B4GALT6: variants seen among roughly 807,000 people sequenced by gnomAD.
B4GALT6 encodes beta-1,4-galactosyltransferase 6, also known as UDP-Gal:beta-GlcNAc beta-1,4-galactosyltransferase 6.
In B4GALT6, 14 loss-of-function variants were observed where a neutral mutation model predicts 46.3. The ratio of observed to expected loss-of-function variants is 0.30; its 90% CI spans 0.20 to 0.47. The LOEUF (loss-of-function observed/expected upper bound fraction) is 0.47, where lower values mean the gene tolerates loss of function less well. B4GALT6 is among the 20% of genes least tolerant of loss of function. The pLI is 0.99. For synonymous variants in B4GALT6, 168 were observed against 162.0 expected (o/e 1.04, Z -0.28); for missense variants, 386 against 480.1 (o/e 0.80, Z 1.83).
intron 2 of B4GALT6, among the ~76,000 whole-genome samples, chr18:31,660,529 T>C (rs1253978338): frequency 6.6e-6 from 1 of 151,992 alleles, no homozygotes; most frequent in African/African-American, 2.4e-5. Flanking sequence ...AGATAAGGCA[T>C]TCTTATTTGA....
rs1464177112 is a variant in B4GALT6 at position 31,674,866 on chromosome 18, A to T, written c.116-8494T>A. On this transcript the variant is annotated intron_variant, in intron 1 of 8. Transcript: ENST00000306851. ...TGCCAGGCTGTTTAAAAAAAAAAAA[A>T]TTCTTTTATGTCAAAGTACTATTTG... is the stretch of plus-strand genomic sequence containing the variant. 2.0e-5 allele frequency among the ~76,000 whole-genome samples: 3 copies of T among 152,230 alleles called. No individual in the cohort carries two copies. In the East Asian group the frequency reaches 5.8e-4, roughly 29 times the overall value.
chr18:31,685,166 C>A (rs1202926299), upstream of B4GALT6, among the ~76,000 whole-genome samples: 2 of 148,680 alleles, frequency 1.3e-5, no homozygotes, highest in East Asian at 2.0e-4. Context: ...CAGCGACGAA[C>A]GCGCTCCGAC....
At chr18:31,661,289 T>C (rs1299913038) in intron 2 of B4GALT6, among the ~76,000 whole-genome samples, 1 of 151,810 alleles carries the variant, frequency 6.6e-6, no homozygotes, top group Non-Finnish European at 1.5e-5. Context: ...ATAACAAGAG[T>C]AGTTTAAATT....
At chr18:31,710,352 T>G in the B4GALT6 span, among the ~76,000 whole-genome samples, 1 of 151,748 alleles carries the variant, frequency 6.6e-6, no homozygotes, top group Non-Finnish European at 1.5e-5. Context: ...ACTCCTCTTA[T>G]GTGGGTTAAA....
intron 5 of B4GALT6, among the ~76,000 whole-genome samples, chr18:31,632,545 C>T (rs1307544646): frequency 2.0e-5 from 3 of 152,142 alleles, no homozygotes; most frequent in South Asian, 2.1e-4. Context: ...AATGAGAGTT[C>T]TGATATTTCT....
At chr18:31,674,687 C>T (rs988177969) in intron 1 of B4GALT6, among the ~76,000 whole-genome samples, 1 of 152,088 alleles carries the variant, frequency 6.6e-6, no homozygotes, top group Non-Finnish European at 1.5e-5. Flanking sequence ...AATTACTCAT[C>T]CATGTGGGTA....
At chr18:31,659,315 A>C (rs922652786) in intron 2 of B4GALT6, among the ~76,000 whole-genome samples, 10 of 152,210 alleles carry the variant, frequency 6.6e-5, no homozygotes, top group African/African-American at 1.9e-4. Flanking sequence ...AAGAAAACTA[A>C]GCACCTCCAT....
At chr18:31,646,807 G>A (rs966998458) in intron 3 of B4GALT6, among the ~76,000 whole-genome samples, 5 of 152,162 alleles carry the variant, frequency 3.3e-5, no homozygotes, top group African/African-American at 9.7e-5. Flanking sequence ...TAGCCTCCAC[G>A]CAGGCATGCT....
intron 2 of B4GALT6, among the ~76,000 whole-genome samples, chr18:31,662,915 T>G (rs2074236650): frequency 6.6e-6 from 1 of 152,218 alleles, no homozygotes; most frequent in Admixed American, 6.5e-5. Context: ...ATGTCCATCA[T>G]GTATAACCAC....
At chr18:31,656,595 A>G (rs1238054700) in intron 3 of B4GALT6, among the ~76,000 whole-genome samples, 1 of 152,126 alleles carries the variant, frequency 6.6e-6, no homozygotes, top group Admixed American at 6.5e-5. Context: ...ACAAAATAGT[A>G]AAATCATTAG....
the B4GALT6 span, chr18:31,724,354 G>A: frequency 4.1e-6 from 4 of 974,994 alleles, no homozygotes; most frequent in Admixed American, 6.3e-5. Flanking sequence ...TCTGGAGTGG[G>A]TCCAGGACCC....
chr18:31,644,742 CA>C (rs961722455), intron 4 of B4GALT6, among the ~76,000 whole-genome samples: 2 of 152,052 alleles, frequency 1.3e-5, no homozygotes, highest in Admixed American at 6.6e-5. Flanking sequence ...GTTTTTCAAA[CA>C]AAACACTGAA....
the B4GALT6 span, among the ~76,000 whole-genome samples, chr18:31,706,214 C>T: frequency 6.6e-6 from 1 of 151,786 alleles, no homozygotes; most frequent in South Asian, 2.1e-4. Context: ...GTTTGATGTA[C>T]ATGTACATAG....
At chr18:31,695,823 T>A in the B4GALT6 span, among the ~76,000 whole-genome samples, 2 of 152,184 alleles carry the variant, frequency 1.3e-5, no homozygotes, top group East Asian at 3.8e-4. Flanking sequence ...CAACATCTTG[T>A]AATCCAGCTG....
At chr18:31,660,818 C>T (rs1432588598) in intron 2 of B4GALT6, among the ~76,000 whole-genome samples, 1 of 151,892 alleles carries the variant, frequency 6.6e-6, no homozygotes, top group Non-Finnish European at 1.5e-5. Flanking sequence ...GGACTGCTCC[C>T]AGCAAGAGAA....
At chr18:31,696,293 G>A in the B4GALT6 span, among the ~76,000 whole-genome samples, 17 of 152,214 alleles carry the variant, frequency 1.1e-4, no homozygotes, top group South Asian at 1.5e-3. Context: ...CATCATACGC[G>A]TATTTGGCAT....
At chr18:31,639,291 G>A (rs570359582) in intron 4 of B4GALT6, among the ~76,000 whole-genome samples, 3 of 152,256 alleles carry the variant, frequency 2.0e-5, no homozygotes, top group Admixed American at 6.5e-5. Flanking sequence ...TAAGAGTAAC[G>A]TCTCGGTTTT....
In B4GALT6 at chr18:31,658,022, G is replaced by A; in HGVS notation, c.300C>T (p.Phe100=). ...GACAGGGGAGGTATGGTGAGTATGTGAAGTTTTCCGGGAGATACGTTGTTG... is the reference window on the plus strand; with the variant it reads ...GACAGGGGAGGTATGGTGAGTATGTAAAGTTTTCCGGGAGATACGTTGTTG... ...VQTTTYLPEN[F]TYSPYLPCPE... The change falls in exon 3 of 9, where the codon TTC becomes TTT. Residue 100 remains phenylalanine (F), a synonymous_variant. Coordinates refer to ENST00000306851, the MANE Select transcript of B4GALT6 (RefSeq NM_004775.5). 1.2e-6 allele frequency: 2 copies of A among 1,612,950 alleles called. No individual in the cohort carries two copies. Among genetic ancestry groups the A allele is most frequent in the Non-Finnish European group, 1.7e-6 (2 of 1,179,654 alleles).
chr18:31,626,715 G>A lies in B4GALT6; in HGVS notation c.899+284C>T, dbSNP rs562864082. Among the ~76,000 whole-genome samples the A allele has an allele frequency of 7.9e-5, 12 of 152,176 alleles. No homozygotes were observed. In the East Asian group the frequency reaches 2.3e-3, roughly 29 times the overall value. ...ATGCCTGATGATCTGAGGTGGAATGGTTTCCTCCCGAAACCATCCTCCTGG... is the reference window on the plus strand; with the variant it reads ...ATGCCTGATGATCTGAGGTGGAATGATTTCCTCCCGAAACCATCCTCCTGG... On this transcript the variant is annotated intron_variant, in intron 7 of 8. Transcript: ENST00000306851.
Sources: allele counts gnomAD v4.1 joint callset (sites outside exome capture counted in the v4.1 genomes callset), GRCh38; gene constraint gnomAD v4.1.1; transcripts MANE v1.5; gene names NCBI Gene and HGNC (gene_info 2026-07-23, HGNC 2026-07-21).